The following BABAM2 variants were observed in gnomAD, a reference collection of about 807,000 sequenced individuals.
BABAM2 encodes the protein BRISC and BRCA1-A complex member 2.
Under a neutral mutation model 54.7 loss-of-function variants are expected in BABAM2, and 31 were observed. That is an observed-to-expected ratio of 0.57 (90% confidence interval 0.43 to 0.77). BABAM2 has a LOEUF of 0.77. BABAM2 is among the 30% of genes least tolerant of loss of function. The pLI is 0.00. For missense variants in BABAM2, 364 were observed against 455.8 expected, an observed-to-expected ratio of 0.80 and a Z score of 1.83; for synonymous variants, 167 against 162.9, an observed-to-expected ratio of 1.03 and a Z score of -0.19.
chr2:28,162,485 C>G (rs1421981040), intron 7 of BABAM2, among the ~76,000 whole-genome samples: 1 of 152,206 alleles, frequency 6.6e-6, no homozygotes, highest in Non-Finnish European at 1.5e-5. Flanking sequence ...TGAATTAAAA[C>G]ATGTGTAATG....
At chr2:28,224,544 G>A (rs766922448) in intron 7 of BABAM2, among the ~76,000 whole-genome samples, 3 of 151,996 alleles carry the variant, frequency 2.0e-5, no homozygotes, top group Admixed American at 6.6e-5. Flanking sequence ...TTCAGTTTGC[G>A]GTACTTGAGC....
At chr2:28,180,651 A>G (rs1241789017) in intron 7 of BABAM2, among the ~76,000 whole-genome samples, 1 of 152,236 alleles carries the variant, frequency 6.6e-6, no homozygotes, top group Non-Finnish European at 1.5e-5. Flanking sequence ...TGCACAACAA[A>G]GGAAACAAAT....
intron 7 of BABAM2, among the ~76,000 whole-genome samples, chr2:28,202,962 C>G (rs1486655844): frequency 1.3e-5 from 2 of 152,010 alleles, no homozygotes; most frequent in Admixed American, 1.3e-4. Context: ...TGTCCTCCAC[C>G]CCCCCACAGA....
intron 10 of BABAM2, among the ~76,000 whole-genome samples, chr2:28,250,635 T>G (rs1180001657): frequency 6.6e-6 from 1 of 151,232 alleles, no homozygotes; most frequent in African/African-American, 2.4e-5. Context: ...GGTCTCGCTC[T>G]GTCGCCCAGG....
chr2:27,976,761 TTGAA>T (rs1249206252), intron 3 of BABAM2, among the ~76,000 whole-genome samples: 2 of 152,198 alleles, frequency 1.3e-5, no homozygotes, highest in Non-Finnish European at 2.9e-5. Context: ...TTTTTACTGT[TTGAA>T]TGTGGCTACT....
intron 3 of BABAM2, among the ~76,000 whole-genome samples, chr2:27,944,501 A>G (rs1170363022): frequency 6.6e-6 from 1 of 152,164 alleles, no homozygotes; most frequent in African/African-American, 2.4e-5. Flanking sequence ...TTTTTGGTAT[A>G]TGGCCTCTTT....
chr2:28,215,715 G>GT (rs1679862453), intron 7 of BABAM2, among the ~76,000 whole-genome samples: 1 of 151,900 alleles, frequency 6.6e-6, no homozygotes, highest in East Asian at 1.9e-4. Context: ...CTCACTCCCT[G>GT]TTTTTTAGGT....
intron 6 of BABAM2, among the ~76,000 whole-genome samples, chr2:28,051,408 C>CAAG (rs1385629200): frequency 1.3e-5 from 2 of 152,108 alleles, no homozygotes; most frequent in African/African-American, 4.8e-5. Context: ...ATTACTTGCC[C>CAAG]AAGACTGTGT....
intron 6 of BABAM2, among the ~76,000 whole-genome samples, chr2:28,087,194 G>A (rs1665725843): frequency 6.6e-6 from 1 of 152,138 alleles, no homozygotes; most frequent in Non-Finnish European, 1.5e-5. Context: ...GGATGGATGT[G>A]GAGTGTAAGA....
At chr2:28,233,216 G>T (rs1025835607) in intron 7 of BABAM2, 2 of 471,460 alleles carry the variant, frequency 4.2e-6, no homozygotes, top group African/African-American at 4.0e-5. Flanking sequence ...GGGATCAGAA[G>T]TATCAGTGCC....
chr2:28,332,023 A>G (rs1691001229), intron 11 of BABAM2, among the ~76,000 whole-genome samples: 1 of 152,222 alleles, frequency 6.6e-6, no homozygotes, highest in Non-Finnish European at 1.5e-5. Context: ...AGGGACATGG[A>G]TGGAGCTATA....
At chr2:27,961,748 G>A (rs1214819386) in intron 3 of BABAM2, among the ~76,000 whole-genome samples, 8 of 132,468 alleles carry the variant, frequency 6.0e-5, no homozygotes, top group Admixed American at 1.6e-4. Flanking sequence ...TTTTTTGAGA[G>A]AGAGGGTCTC....
At chr2:28,294,411 G>T (rs998071298) in intron 10 of BABAM2, among the ~76,000 whole-genome samples, 1 of 151,694 alleles carries the variant, frequency 6.6e-6, no homozygotes, top group Admixed American at 6.6e-5. Context: ...AAAGCAAATG[G>T]TTAAAGTGTT....
intron 6 of BABAM2, among the ~76,000 whole-genome samples, chr2:28,080,887 A>G (rs1425591979): frequency 2.0e-5 from 3 of 152,188 alleles, no homozygotes; most frequent in Non-Finnish European, 4.4e-5. Context: ...TTCCTATTCA[A>G]ACAGTGAAGT....
chr2:28,289,083 C>T (rs1009314713), intron 10 of BABAM2, among the ~76,000 whole-genome samples: 7 of 151,568 alleles, frequency 4.6e-5, no homozygotes, highest in African/African-American at 9.7e-5. Flanking sequence ...CACACACACA[C>T]GATTATGTAA....
chr2:28,184,408 T>G (rs1452873730), intron 7 of BABAM2, among the ~76,000 whole-genome samples: 1 of 151,810 alleles, frequency 6.6e-6, no homozygotes, highest in Non-Finnish European at 1.5e-5. Context: ...ATACATGTGC[T>G]GTGTTGGTGT....
At chr2:28,022,435 G>T (rs1313273877) in intron 4 of BABAM2, among the ~76,000 whole-genome samples, 2 of 152,190 alleles carry the variant, frequency 1.3e-5, no homozygotes, top group Admixed American at 6.5e-5. Context: ...AAGAATTGGC[G>T]TGATACCTTC....
intron 11 of BABAM2, 83 bp from the exon 12 acceptor site, chr2:28,338,367 T>A: frequency 8.1e-7 from 1 of 1,227,840 alleles, no homozygotes; most frequent in South Asian, 1.2e-5. Context: ...CTGTTCTGAG[T>A]TAGCTTGAAA....
chr2:28,230,034 A>G (rs1172710757), intron 7 of BABAM2, among the ~76,000 whole-genome samples: 1 of 152,166 alleles, frequency 6.6e-6, no homozygotes, highest in Non-Finnish European at 1.5e-5. Flanking sequence ...CCATTTTTAT[A>G]TGTCCCTTTA....
Sources: gnomAD v4.1 joint callset for allele counts (sites outside exome capture counted in the v4.1 genomes callset) on GRCh38, gnomAD v4.1.1 for gene constraint, MANE v1.5 for transcripts, NCBI Gene and HGNC (gene_info 2026-07-23, HGNC 2026-07-21) for gene names.